The following SH3RF3 variants were observed in gnomAD, a reference collection of about 807,000 sequenced individuals.
SH3RF3 encodes SH3 domain containing ring finger 3.
In SH3RF3, 29 loss-of-function variants were observed where a neutral mutation model predicts 66.3. The ratio of observed to expected loss-of-function variants is 0.44; its 90% CI spans 0.33 to 0.60. SH3RF3 has a LOEUF of 0.60. Among genes scored for constraint, SH3RF3 ranks in the 20% least tolerant of loss-of-function variants. The probability of loss-of-function intolerance (pLI) is 0.04; values close to 1 mark genes in which losing one functional copy is unlikely to be tolerated. For synonymous variants in SH3RF3, 583 were observed against 532.0 expected (o/e 1.10, Z -1.32); for missense variants, 1,194 against 1,190.9 (o/e 1.00, Z -0.04).
chr2:109,154,642 A>G (rs1036129561), intron 1 of SH3RF3, among the ~76,000 whole-genome samples: 2 of 152,112 alleles, frequency 1.3e-5, no homozygotes, highest in African/African-American at 4.8e-5. Flanking sequence ...CTGGCCTCCA[A>G]ATGAATACTT....
At chr2:109,493,706 A>G (rs1190664840) in intron 9 of SH3RF3, among the ~76,000 whole-genome samples, 1 of 151,766 alleles carries the variant, frequency 6.6e-6, no homozygotes, top group Non-Finnish European at 1.5e-5. Context: ...CACACCATAC[A>G]TACACACCAT....
At chr2:109,240,158 A>G (rs1288673365) in intron 1 of SH3RF3, among the ~76,000 whole-genome samples, 1 of 152,178 alleles carries the variant, frequency 6.6e-6, no homozygotes. Context: ...TTGTGGAACC[A>G]TGGATCACCC....
At chr2:109,303,342 G>A (rs767734504) in intron 1 of SH3RF3, among the ~76,000 whole-genome samples, 2 of 152,228 alleles carry the variant, frequency 1.3e-5, no homozygotes, top group South Asian at 2.1e-4. Context: ...AAGACAAGGT[G>A]TGCGTTCAGT....
intron 8 of SH3RF3, among the ~76,000 whole-genome samples, chr2:109,489,279 G>C (rs1679065010): frequency 6.6e-6 from 1 of 152,236 alleles, no homozygotes; most frequent in South Asian, 2.1e-4. Context: ...CACCTTATCG[G>C]GTGGAGACCC....
intron 1 of SH3RF3, among the ~76,000 whole-genome samples, chr2:109,335,116 C>A (rs992014905): frequency 1.3e-5 from 2 of 152,232 alleles, no homozygotes; most frequent in African/African-American, 2.4e-5. Flanking sequence ...CCGAACATTT[C>A]GTGTTTTCGG....
At chr2:109,268,332 A>T (rs976874587) in intron 1 of SH3RF3, among the ~76,000 whole-genome samples, 2 of 151,844 alleles carry the variant, frequency 1.3e-5, no homozygotes, top group Admixed American at 1.3e-4. Flanking sequence ...CTCACCCACA[A>T]GGACTGGACA....
At chr2:109,318,063 G>A (rs4637156) in intron 1 of SH3RF3, among the ~76,000 whole-genome samples, 46,272 of 149,582 alleles carry the variant, frequency 0.31, 8,848 homozygotes, top group African/African-American at 0.54. Context: ...TCTCTCCTCT[G>A]TTTTTCTAAG....
rs191128326 is a variant in SH3RF3 at position 109,165,860 on chromosome 2, C to G, written c.573+35747C>G. 1.1e-3 allele frequency among the ~76,000 whole-genome samples: 161 copies of G among 152,320 alleles called. 1 individual carries two copies. Among genetic ancestry groups the G allele is most frequent in the African/African-American group, 3.7e-3 (155 of 41,556 alleles). ...TGACTCACCCTAGACATTCAGTGCTCTACGTGTGCCCAGGCTGGATGCCTG... is the reference window on the plus strand; with the variant it reads ...TGACTCACCCTAGACATTCAGTGCTGTACGTGTGCCCAGGCTGGATGCCTG... On this transcript the variant is annotated intron_variant, in intron 1 of 9. Coordinates refer to ENST00000309415, the MANE Select transcript of SH3RF3 (RefSeq NM_001099289.3).
chr2:109,396,876 C>G (rs1392193009), intron 3 of SH3RF3, among the ~76,000 whole-genome samples: 1 of 152,280 alleles, frequency 6.6e-6, no homozygotes, highest in Non-Finnish European at 1.5e-5. Flanking sequence ...CTTCACTTGC[C>G]TGCTGTGGTT....
chr2:109,389,545 A>G (rs1225065216), intron 3 of SH3RF3, among the ~76,000 whole-genome samples: 2 of 152,188 alleles, frequency 1.3e-5, no homozygotes, highest in African/African-American at 2.4e-5. Flanking sequence ...GACCCAATCA[A>G]TGGATCGTTT....
At chr2:109,335,899 T>C (rs1682408814) in intron 1 of SH3RF3, among the ~76,000 whole-genome samples, 1 of 152,308 alleles carries the variant, frequency 6.6e-6, no homozygotes, top group East Asian at 1.9e-4. Flanking sequence ...GTGAAAGATG[T>C]ATTTATGAAT....
chr2:109,404,161 G>A (rs780117983), intron 4 of SH3RF3, among the ~76,000 whole-genome samples: 5 of 152,156 alleles, frequency 3.3e-5, no homozygotes, highest in Non-Finnish European at 5.9e-5. Flanking sequence ...ACTGCAGGAT[G>A]GGAAGGAGGG....
intron 1 of SH3RF3, among the ~76,000 whole-genome samples, chr2:109,143,358 C>T (rs1043230444): frequency 3.9e-5 from 6 of 152,076 alleles, no homozygotes; most frequent in Non-Finnish European, 8.8e-5. Flanking sequence ...AACCTCAAAG[C>T]GAGATGTGCA....
intron 1 of SH3RF3, among the ~76,000 whole-genome samples, chr2:109,285,504 A>C (rs1277918862): frequency 2.0e-5 from 3 of 152,184 alleles, no homozygotes; most frequent in African/African-American, 7.2e-5. Flanking sequence ...TTAACAGTGC[A>C]TGCTGGGGCA....
At chr2:109,241,158 A>G (rs1413953795) in intron 1 of SH3RF3, among the ~76,000 whole-genome samples, 1 of 152,246 alleles carries the variant, frequency 6.6e-6, no homozygotes, top group African/African-American at 2.4e-5. Flanking sequence ...GATGACAAGA[A>G]GAGAGCGAAA....
chr2:109,451,412 G>A (rs1482161870), intron 8 of SH3RF3, among the ~76,000 whole-genome samples: 7 of 152,216 alleles, frequency 4.6e-5, no homozygotes, highest in Non-Finnish European at 8.8e-5. Flanking sequence ...GACTTGGAAA[G>A]TGGGGGCTGT....
chr2:109,295,115 C>T (rs1411921980), intron 1 of SH3RF3, among the ~76,000 whole-genome samples: 2 of 152,228 alleles, frequency 1.3e-5, no homozygotes, highest in African/African-American at 2.4e-5. Context: ...GTATCTCATC[C>T]AGTGGCATGC....
At chr2:109,258,179 A>G (rs967316903) in intron 1 of SH3RF3, among the ~76,000 whole-genome samples, 2 of 152,200 alleles carry the variant, frequency 1.3e-5, no homozygotes, top group African/African-American at 4.8e-5. Flanking sequence ...GGCTTACGAA[A>G]GAGTAAACTT....
chr2:109,144,151 C>T (rs1677038326), intron 1 of SH3RF3, among the ~76,000 whole-genome samples: 1 of 152,180 alleles, frequency 6.6e-6, no homozygotes, highest in Non-Finnish European at 1.5e-5. Flanking sequence ...GTTAACAATA[C>T]TCGATTATAT....
Sources: allele counts gnomAD v4.1 joint callset (sites outside exome capture counted in the v4.1 genomes callset), GRCh38; gene constraint gnomAD v4.1.1; transcripts MANE v1.5; gene names NCBI Gene and HGNC (gene_info 2026-07-23, HGNC 2026-07-21).